The following DLGAP2 variants were observed in gnomAD, a reference collection of about 807,000 sequenced individuals.
DLGAP2 encodes DLG associated protein 2, also known as disks large-associated protein 2.
Under a neutral mutation model 100.3 loss-of-function variants are expected in DLGAP2, and 26 were observed. The ratio of observed to expected loss-of-function variants is 0.26; its 90% CI spans 0.19 to 0.36. DLGAP2 has a LOEUF of 0.36. Among genes scored for constraint, DLGAP2 ranks in the 10% least tolerant of loss-of-function variants. DLGAP2 has a pLI of 1.00. For synonymous variants in DLGAP2, 886 were observed against 630.1 expected (o/e 1.41, Z -6.08); for missense variants, 1,858 against 1,453.2 (o/e 1.28, Z -4.53).
intron 8 of DLGAP2, among the ~76,000 whole-genome samples, chr8:1,639,414 G>A (rs536274543): frequency 4.1e-4 from 62 of 152,238 alleles, no homozygotes; most frequent in African/African-American, 1.3e-3. Flanking sequence ...AGGCTGCTGC[G>A]AGGCCTGAAT....
At chr8:1,039,603 TG>T (rs1350468963) in intron 2 of DLGAP2, among the ~76,000 whole-genome samples, 7 of 112,340 alleles carry the variant, frequency 6.2e-5, no homozygotes, top group African/African-American at 2.6e-4. Flanking sequence ...GTCAGCTTGG[TG>T]TGCGTGGTCA....
chr8:1,618,571 G>A (rs1797230737), intron 6 of DLGAP2, among the ~76,000 whole-genome samples: 1 of 152,198 alleles, frequency 6.6e-6, no homozygotes, highest in South Asian at 2.1e-4. Flanking sequence ...GTGAAAATGT[G>A]AAGAACCTAG....
At chr8:1,510,712 G>T (rs1800131836) in intron 4 of DLGAP2, among the ~76,000 whole-genome samples, 1 of 152,174 alleles carries the variant, frequency 6.6e-6, no homozygotes, top group African/African-American at 2.4e-5. Flanking sequence ...TGAATGAGTG[G>T]CCAGTCTAGG....
intron 3 of DLGAP2, among the ~76,000 whole-genome samples, chr8:1,353,172 T>C (rs1801774496): frequency 6.6e-6 from 1 of 152,180 alleles, no homozygotes; most frequent in Non-Finnish European, 1.5e-5. Context: ...GCTGTTGATT[T>C]TCAGAGGCAG....
At chr8:1,694,665 G>A (rs1483470725) in intron 13 of DLGAP2, among the ~76,000 whole-genome samples, 2 of 152,174 alleles carry the variant, frequency 1.3e-5, no homozygotes, top group South Asian at 2.1e-4. Flanking sequence ...ACCCCGGGGG[G>A]TGTGTGCCTG....
intron 6 of DLGAP2, among the ~76,000 whole-genome samples, chr8:1,593,047 A>G (rs922948729): frequency 6.6e-6 from 1 of 152,310 alleles, no homozygotes; most frequent in Non-Finnish European, 1.5e-5. Flanking sequence ...AATAGTAAAA[A>G]TCTTTTGGGG....
chr8:993,891 A>G (rs1312596289), intron 2 of DLGAP2, among the ~76,000 whole-genome samples: 1 of 141,976 alleles, frequency 7.0e-6, no homozygotes, highest in Non-Finnish European at 1.5e-5. Context: ...GTGTCGTTTC[A>G]GCTACTTAGA....
intron 3 of DLGAP2, among the ~76,000 whole-genome samples, chr8:1,338,133 C>T (rs1369664064): frequency 6.6e-6 from 1 of 152,238 alleles, no homozygotes; most frequent in African/African-American, 2.4e-5. Flanking sequence ...AAATTCCACA[C>T]AAAGTTAAAC....
chr8:1,464,261 C>A (rs1047563633), intron 3 of DLGAP2, among the ~76,000 whole-genome samples: 1 of 114,262 alleles, frequency 8.8e-6, no homozygotes, highest in Admixed American at 8.7e-5. Flanking sequence ...CGGCTCCCTT[C>A]CAGGACGGCA....
intron 1 of DLGAP2, among the ~76,000 whole-genome samples, chr8:746,421 C>T (rs1370749788): frequency 6.6e-6 from 1 of 152,202 alleles, no homozygotes; most frequent in Non-Finnish European, 1.5e-5. Flanking sequence ...CGCATTGGAT[C>T]CCGTGTGGGG....
intron 6 of DLGAP2, among the ~76,000 whole-genome samples, chr8:1,589,301 A>G (rs1364209678): frequency 6.6e-6 from 1 of 152,220 alleles, no homozygotes; most frequent in African/African-American, 2.4e-5. Flanking sequence ...TTATCCTTGT[A>G]TTGCAGTTAC....
chr8:1,272,368 G>C (rs1799600399), intron 3 of DLGAP2, among the ~76,000 whole-genome samples: 1 of 151,908 alleles, frequency 6.6e-6, no homozygotes, highest in African/African-American at 2.4e-5. Context: ...AAGTGAGATT[G>C]AGCTGGAAAA....
intron 8 of DLGAP2, among the ~76,000 whole-genome samples, chr8:1,651,817 T>TA (rs200935515): frequency 2.9e-4 from 44 of 151,050 alleles, no homozygotes; most frequent in African/African-American, 7.8e-4. Flanking sequence ...TTTGAAAAGT[T>TA]AAAAAAAAAC....
At chr8:1,097,149 A>T (rs1411976224) in intron 2 of DLGAP2, among the ~76,000 whole-genome samples, 2 of 125,910 alleles carry the variant, frequency 1.6e-5, no homozygotes, top group African/African-American at 3.3e-5. Context: ...TGGCATGCAG[A>T]GGTCCCCTCC....
At chr8:1,128,318 G>A (rs1269388923) in intron 2 of DLGAP2, among the ~76,000 whole-genome samples, 2 of 151,232 alleles carry the variant, frequency 1.3e-5, no homozygotes, top group African/African-American at 2.4e-5. Flanking sequence ...GTTGTGTTCG[G>A]TGAGGACCTG....
At chr8:1,118,618 T>A (rs1427918618) in intron 2 of DLGAP2, among the ~76,000 whole-genome samples, 1 of 152,154 alleles carries the variant, frequency 6.6e-6, no homozygotes, top group Non-Finnish European at 1.5e-5. Context: ...AACAGAAGTC[T>A]AGGAGGAACT....
chr8:953,042 G>A (rs1257807138), intron 2 of DLGAP2, among the ~76,000 whole-genome samples: 15 of 152,128 alleles, frequency 9.9e-5, no homozygotes, highest in Non-Finnish European at 2.2e-4. Flanking sequence ...AATTATGCAG[G>A]TCTTCAAAAT....
chr8:1,316,897 C>T (rs1195895534), intron 3 of DLGAP2, among the ~76,000 whole-genome samples: 5 of 119,944 alleles, frequency 4.2e-5, no homozygotes, highest in Admixed American at 8.6e-5. Context: ...AAAAATAGAG[C>T]GTGTGCGAGT....
chr8:823,172 C>T (rs2132689063), intron 1 of DLGAP2, among the ~76,000 whole-genome samples: 1 of 152,192 alleles, frequency 6.6e-6, no homozygotes, highest in Non-Finnish European at 1.5e-5. Context: ...CTTTCTCTAC[C>T]CACTTGGTGG....
Sources: gnomAD v4.1 joint callset for allele counts (sites outside exome capture counted in the v4.1 genomes callset) on GRCh38, gnomAD v4.1.1 for gene constraint, MANE v1.5 for transcripts, NCBI Gene and HGNC (gene_info 2026-07-23, HGNC 2026-07-21) for gene names.